The following KLHL29 variants were observed in gnomAD, a reference collection of about 807,000 sequenced individuals.
KLHL29 encodes kelch-like protein 29.
In KLHL29, 21 loss-of-function variants were observed where a neutral mutation model predicts 80.4. That is an observed-to-expected ratio of 0.26 (90% CI 0.19 to 0.38). The LOEUF (loss-of-function observed/expected upper bound fraction) is 0.38. Among genes scored for constraint, KLHL29 ranks in the 10% least tolerant of loss-of-function variants. The probability of loss-of-function intolerance (pLI) is 1.00; values close to 1 mark genes in which losing one functional copy is unlikely to be tolerated. For missense variants in KLHL29, 867 were observed against 1,223.9 expected (o/e 0.71, Z 4.35); for synonymous variants, 511 against 526.8 (o/e 0.97, Z 0.41).
intron 5 of KLHL29, among the ~76,000 whole-genome samples, chr2:23,676,425 G>T (rs1670923814): frequency 6.6e-6 from 1 of 152,154 alleles, no homozygotes; most frequent in Non-Finnish European, 1.5e-5. Context: ...CTCGTGATCT[G>T]CCCGCCTCAG....
intron 3 of KLHL29, among the ~76,000 whole-genome samples, chr2:23,593,189 G>A (rs73919773): frequency 3.3e-3 from 505 of 152,298 alleles, no homozygotes; most frequent in African/African-American, 0.011. Flanking sequence ...TGTCACCAGC[G>A]TGCCTCCTCT....
In KLHL29 at chr2:23,503,563, C is replaced by A. The variant is rs1378556144; in HGVS notation, c.-46+27896C>A. On this transcript the variant is annotated intron_variant, in intron 2 of 13. Coordinates refer to ENST00000486442, the MANE Select transcript of KLHL29 (RefSeq NM_052920.2). This position sits in a 1 kb window ranked among gnomAD's most constrained non-coding sequence, Gnocchi z 4.0. ...GCTCCTCATAGGGTCCCTGCCGCTA[C>A]ACACCACGAGCCCACCGAGACTGCT... is the stretch of plus-strand genomic sequence containing the variant. 6.8e-6 allele frequency among the ~76,000 whole-genome samples: 1 copy of A among 148,002 alleles called. No homozygotes were observed. The highest frequency in any genetic ancestry group is 1.5e-5 in the Non-Finnish European group (1 of 66,602).
chr2:23,465,073 C>T (rs1215036613), intron 1 of KLHL29, among the ~76,000 whole-genome samples: 4 of 152,138 alleles, frequency 2.6e-5, no homozygotes, highest in East Asian at 3.8e-4. Context: ...GCTGCACGGC[C>T]GACAGATAGT....
chr2:23,635,693 A>G (rs1669589946), intron 3 of KLHL29, among the ~76,000 whole-genome samples: 1 of 152,270 alleles, frequency 6.6e-6, no homozygotes, highest in Admixed American at 6.5e-5. Context: ...AAGCCTGCTC[A>G]GGCCTGATGA....
chr2:23,521,616 T>C (rs1291438891), intron 2 of KLHL29, among the ~76,000 whole-genome samples: 1 of 152,200 alleles, frequency 6.6e-6, no homozygotes, highest in Non-Finnish European at 1.5e-5. Flanking sequence ...ATGCTCCAGG[T>C]GACCCAGACA....
rs1157736706 is a variant in KLHL29, at chr2:23,613,763, C to CA, written c.286-25349dup. Among the ~76,000 whole-genome samples, 441 of 63,682 alleles carry CA rather than the reference C, an allele frequency of 6.9e-3. 42 individuals carry two copies. The highest frequency in any genetic ancestry group is 0.03 in the African/African-American group (332 of 11,238). The allele number at this position is 63,682 out of a possible 152,430, so 41.8% of individuals were successfully genotyped here. A position where few individuals can be genotyped will look rare whatever the true frequency, so the allele number is the denominator to read the frequency against. On this transcript the variant is annotated intron_variant, in intron 3 of 13. Coordinates refer to ENST00000486442, the MANE Select transcript of KLHL29 (RefSeq NM_052920.2). Reference sequence around the variant, plus strand: ...TGGGCGGCAGGGCAAGACTCCATCTCAAAAAAAAAAAAAAAAAAAAAAAAA... The same window carrying CA: ...TGGGCGGCAGGGCAAGACTCCATCTCAAAAAAAAAAAAAAAAAAAAAAAAAA...
intron 2 of KLHL29, among the ~76,000 whole-genome samples, chr2:23,477,089 G>A (rs1664660835): frequency 6.6e-6 from 1 of 152,254 alleles, no homozygotes; most frequent in Admixed American, 6.5e-5. Flanking sequence ...TGGGACTTGA[G>A]CCTTTAGAAG....
chr2:23,684,647 G>A lies in KLHL29; in HGVS notation c.1079+110G>A. 1 of 940,290 alleles carries A rather than the reference G, an allele frequency of 1.1e-6. No homozygotes were observed. Among genetic ancestry groups the A allele is most frequent in the Non-Finnish European group, 1.5e-6 (1 of 657,708 alleles). 58.2% of individuals were successfully genotyped at this position (940,290 alleles called of 1,614,324 possible). On this transcript the variant is annotated intron_variant, in intron 6 of 13. Coordinates refer to ENST00000486442, the MANE Select transcript of KLHL29 (RefSeq NM_052920.2). The surrounding 1 kb of genome is among the most constrained non-coding windows in gnomAD (Gnocchi z 4.4). ...TCCTGAAGCGTGACTCCCTGTCACA[G>A]AGCCAGTAGCCATCTCTCCTCCTCC...
At chr2:23,513,188 G>T (rs1414638985) in intron 2 of KLHL29, among the ~76,000 whole-genome samples, 1 of 152,166 alleles carries the variant, frequency 6.6e-6, no homozygotes, top group Non-Finnish European at 1.5e-5. Context: ...TGGGGAGGGT[G>T]GAAAAAGGGT....
chr2:23,563,519 A>G (rs1478776378), intron 3 of KLHL29, among the ~76,000 whole-genome samples: 1 of 152,200 alleles, frequency 6.6e-6, no homozygotes, highest in African/African-American at 2.4e-5. Context: ...ATGTGTGTGC[A>G]CATGTGTGTG....
chr2:23,618,497 C>T (rs1282656084), intron 3 of KLHL29, among the ~76,000 whole-genome samples: 1 of 152,128 alleles, frequency 6.6e-6, no homozygotes, highest in Non-Finnish European at 1.5e-5. Context: ...AGGGGTTTCT[C>T]CTGACCGCCT....
At chr2:23,544,975 T>C (rs147511017) in intron 2 of KLHL29, among the ~76,000 whole-genome samples, 95 of 152,272 alleles carry the variant, frequency 6.2e-4, no homozygotes, top group South Asian at 1.7e-3. Context: ...ATCTGGCTTG[T>C]GTTTTAACAG....
intron 2 of KLHL29, among the ~76,000 whole-genome samples, chr2:23,509,796 G>C (rs867241685): frequency 6.6e-6 from 1 of 152,168 alleles, no homozygotes; most frequent in East Asian, 1.9e-4. Flanking sequence ...TGTGACCCGG[G>C]GGGTGGTGGG....
rs1665022182 is a variant in KLHL29 at position 23,489,142 on chromosome 2, C to T, written c.-46+13475C>T. The stretch of plus-strand genomic sequence containing the variant: ...TCACAAAGCAGAGAACATGGCGTTT[C>T]CGTGGGCTCTAACAATGTGACATCC... On this transcript the variant is annotated intron_variant, in intron 2 of 13. Transcript: ENST00000486442. 3.3e-5 allele frequency among the ~76,000 whole-genome samples: 5 copies of T among 152,300 alleles called. No homozygotes were observed. In the South Asian group the frequency reaches 1.0e-3, roughly 32 times the overall value.
chr2:23,497,520 C>T (rs1180537327), intron 2 of KLHL29, among the ~76,000 whole-genome samples: 3 of 152,112 alleles, frequency 2.0e-5, no homozygotes, highest in Non-Finnish European at 2.9e-5. Flanking sequence ...TCCTTTGGGC[C>T]GAGCACGGAG....
intron 3 of KLHL29, among the ~76,000 whole-genome samples, chr2:23,571,878 C>A (rs890710083): frequency 6.6e-6 from 1 of 152,138 alleles, no homozygotes; most frequent in South Asian, 2.1e-4. Flanking sequence ...AAAAAACAAC[C>A]GCCTCCATTG....
At chr2:23,692,397 A>G (rs1448821825) in intron 7 of KLHL29, among the ~76,000 whole-genome samples, 1 of 152,212 alleles carries the variant, frequency 6.6e-6, no homozygotes, top group Admixed American at 6.5e-5. Flanking sequence ...GACCCGAACA[A>G]CATGCTGCCT....
intron 1 of KLHL29, among the ~76,000 whole-genome samples, chr2:23,403,150 T>A (rs1666637422): frequency 6.6e-6 from 1 of 152,132 alleles, no homozygotes; most frequent in Admixed American, 6.6e-5. Context: ...TAAGCGTATT[T>A]TTCATATTGG....
intron 2 of KLHL29, among the ~76,000 whole-genome samples, chr2:23,501,692 T>A (rs932116563): frequency 6.6e-6 from 1 of 152,194 alleles, no homozygotes; most frequent in Non-Finnish European, 1.5e-5. Flanking sequence ...TAATCTAGAT[T>A]TTGTTACCAC....
Sources: allele counts gnomAD v4.1 joint callset (sites outside exome capture counted in the v4.1 genomes callset), GRCh38; gene constraint gnomAD v4.1.1; non-coding constraint Gnocchi (gnomAD v3.1); transcripts MANE v1.5; gene names NCBI Gene and HGNC (gene_info 2026-07-23, HGNC 2026-07-21).